Variants in SH3RF3 observed in about 807,000 individuals in gnomAD.
SH3RF3 encodes E3 ubiquitin-protein ligase SH3RF3.
Under a neutral mutation model 66.3 loss-of-function variants are expected in SH3RF3, and 29 were observed. The observed-to-expected ratio is 0.44, with a 90% CI of 0.33 to 0.60. The LOEUF (loss-of-function observed/expected upper bound fraction) is 0.60. Among genes scored for constraint, SH3RF3 ranks in the 20% least tolerant of loss-of-function variants. The pLI, the probability that SH3RF3 is intolerant of heterozygous loss-of-function variation, is 0.04. For missense variants in SH3RF3, 1,194 were observed against 1,190.9 expected (o/e 1.00, Z -0.04); for synonymous variants, 583 against 532.0 (o/e 1.10, Z -1.32).
At chr2:109,399,387 G>A (rs1294916138) in intron 4 of SH3RF3, among the ~76,000 whole-genome samples, 1 of 152,100 alleles carries the variant, frequency 6.6e-6, no homozygotes, top group Non-Finnish European at 1.5e-5. Flanking sequence ...CTACATTGTT[G>A]AGTACTTTCG....
intron 9 of SH3RF3, among the ~76,000 whole-genome samples, chr2:109,493,417 C>T (rs1421717089): frequency 6.6e-6 from 1 of 151,394 alleles, no homozygotes; most frequent in Non-Finnish European, 1.5e-5. Flanking sequence ...ACACATACAT[C>T]ATGCAAACAC....
intron 8 of SH3RF3, among the ~76,000 whole-genome samples, chr2:109,474,293 G>A (rs546899039): frequency 9.9e-5 from 15 of 152,250 alleles, no homozygotes; most frequent in East Asian, 3.9e-4. Flanking sequence ...GTTTTGAGCC[G>A]GACAGTTAGT....
chr2:109,198,403 G>C (rs897398042), intron 1 of SH3RF3, among the ~76,000 whole-genome samples: 2 of 152,230 alleles, frequency 1.3e-5, no homozygotes, highest in Admixed American at 1.3e-4. Flanking sequence ...GTGTGTGCGA[G>C]AGGTAGAGGG....
At chr2:109,238,477 G>A (rs1236607084) in intron 1 of SH3RF3, among the ~76,000 whole-genome samples, 1 of 151,470 alleles carries the variant, frequency 6.6e-6, no homozygotes, top group Non-Finnish European at 1.5e-5. Flanking sequence ...GTGTGTGTGT[G>A]TGTGTGTGTG....
At chr2:109,246,972 CA>C (rs1435457160) in intron 1 of SH3RF3, among the ~76,000 whole-genome samples, 2 of 152,250 alleles carry the variant, frequency 1.3e-5, no homozygotes, top group Non-Finnish European at 2.9e-5. Flanking sequence ...GAGGAGGACT[CA>C]TGGTGGAGGA....
chr2:109,398,820 C>G lies in SH3RF3; in HGVS notation c.1176C>G (p.Ser392=). ...FTALSVTHRS[S]QAASHRHSME... ...CGCTCAGTGTGACGCACAGATCCTC[C>G]CAGGCTGCCAGCCACAGGCATTCCA... The change falls in exon 4 of 10, where the codon TCC becomes TCG. Residue 392 remains serine, a synonymous_variant. Coordinates refer to ENST00000309415, the MANE Select transcript of SH3RF3 (RefSeq NM_001099289.3). The G allele has an allele frequency of 6.2e-7, 1 of 1,613,898 alleles. No homozygotes were observed. The highest frequency in any genetic ancestry group is 8.5e-7 in the Non-Finnish European group (1 of 1,179,860).
intron 1 of SH3RF3, among the ~76,000 whole-genome samples, chr2:109,284,184 G>A (rs963706620): frequency 5.9e-5 from 9 of 152,178 alleles, no homozygotes; most frequent in Admixed American, 5.2e-4. Flanking sequence ...AGGGGGTTGG[G>A]GCCTGCAGTT....
chr2:109,199,587 T>TTAATC (rs1558953897), intron 1 of SH3RF3, among the ~76,000 whole-genome samples: 3 of 972 alleles, frequency 3.1e-3, no homozygotes, highest in Non-Finnish European at 6.8e-3. Flanking sequence ...TGGAATGGAA[T>TTAATC]GGAATGGAAT....
chr2:109,321,704 GC>G (rs1396083406), intron 1 of SH3RF3, among the ~76,000 whole-genome samples: 1 of 152,164 alleles, frequency 6.6e-6, no homozygotes, highest in Non-Finnish European at 1.5e-5. Flanking sequence ...GTCAACCCTG[GC>G]CCCCTGCCGT....
chr2:109,279,713 C>T (rs924373972), intron 1 of SH3RF3, among the ~76,000 whole-genome samples: 12 of 151,848 alleles, frequency 7.9e-5, no homozygotes, highest in Non-Finnish European at 1.8e-4. Context: ...TGCCAGCTTG[C>T]GTTTCTTTTG....
At chr2:109,399,308 C>T (rs1676241271) in intron 4 of SH3RF3, among the ~76,000 whole-genome samples, 1 of 152,178 alleles carries the variant, frequency 6.6e-6, no homozygotes. Flanking sequence ...ATATTTTTAC[C>T]ATCTCTGCAA....
At chr2:109,248,081 A>G (rs933069863) in intron 1 of SH3RF3, among the ~76,000 whole-genome samples, 3 of 152,224 alleles carry the variant, frequency 2.0e-5, no homozygotes, top group Non-Finnish European at 2.9e-5. Flanking sequence ...ACATGAATCA[A>G]TTGGAGGCTG....
At chr2:109,153,089 C>T (rs1437388695) in intron 1 of SH3RF3, among the ~76,000 whole-genome samples, 1 of 152,142 alleles carries the variant, frequency 6.6e-6, no homozygotes, top group Admixed American at 6.5e-5. Context: ...CACTGTGAAG[C>T]TTTTGTCAGA....
At chr2:109,335,458 G>A (rs1312386625) in intron 1 of SH3RF3, among the ~76,000 whole-genome samples, 1 of 152,078 alleles carries the variant, frequency 6.6e-6, no homozygotes. Context: ...GCCCCTCAGG[G>A]CTGGGACATG....
At chr2:109,400,662 A>G (rs1676289656) in intron 4 of SH3RF3, among the ~76,000 whole-genome samples, 1 of 148,602 alleles carries the variant, frequency 6.7e-6, no homozygotes, top group South Asian at 2.2e-4. Context: ...AGACATTTAT[A>G]CATGCGCACA....
Position 109,437,076 on chromosome 2 carries a change from C to A in SH3RF3, c.1758C>A (p.Pro586=). 1 of 1,613,724 alleles carries A rather than the reference C, an allele frequency of 6.2e-7. No individual in the cohort carries two copies. Among genetic ancestry groups the A allele is most frequent in the African/African-American group, 1.3e-5 (1 of 75,078 alleles). The change falls in exon 7 of 10, where the codon CCC becomes CCA. Residue 586 remains proline, a synonymous_variant. Transcript: ENST00000309415. ...ACGCCCAGCACCCCACAGCCTCGCC[C>A]CCAACAGGCAGCTGTCTACGGCACT... ...QAHAQHPTAS[P]PTGSCLRHSA...
intron 4 of SH3RF3, among the ~76,000 whole-genome samples, chr2:109,399,621 A>G (rs1181036946): frequency 6.6e-6 from 1 of 152,186 alleles, no homozygotes; most frequent in African/African-American, 2.4e-5. Context: ...CCAATCAGTC[A>G]ATCAATAAAA....
chr2:109,198,474 G>A, intron 1 of SH3RF3, among the ~76,000 whole-genome samples: 1 of 152,212 alleles, frequency 6.6e-6, no homozygotes, highest in Non-Finnish European at 1.5e-5. Flanking sequence ...ATAGCTGTCT[G>A]AGTTTCTCAG....
rs910152662 is a variant in SH3RF3, at chr2:109,461,821, T to C, written c.2148+12332T>C. 3.9e-5 allele frequency among the ~76,000 whole-genome samples: 6 copies of C among 152,336 alleles called. No individual in the cohort carries two copies. The East Asian group carries it at 1.2e-3, about 29-fold the overall frequency. ...CTGGACCTGTTGCAGAGCCTTTTTT[T>C]GTTCTAGGTCCTACTCAAAACTATC... is the stretch of plus-strand genomic sequence containing the variant. On this transcript the variant is annotated intron_variant, in intron 8 of 9. Transcript: ENST00000309415.
Sources: allele counts gnomAD v4.1 joint callset (sites outside exome capture counted in the v4.1 genomes callset), GRCh38; gene constraint gnomAD v4.1.1; transcripts MANE v1.5; gene names NCBI Gene and HGNC (gene_info 2026-07-23, HGNC 2026-07-21).